Variants in TRPM7 observed in about 807,000 individuals in gnomAD.
The protein encoded by TRPM7 is LTRPC ion channel family member 7.
In TRPM7, 134 loss-of-function variants were observed where a neutral mutation model predicts 229.7. The ratio of observed to expected loss-of-function variants is 0.58; its 90% CI spans 0.51 to 0.67. The LOEUF (loss-of-function observed/expected upper bound fraction) is 0.67. Among genes scored for constraint, TRPM7 ranks in the 30% least tolerant of loss-of-function variants. The pLI is 0.00. For missense variants in TRPM7, 1,901 were observed against 2,210.0 expected (o/e 0.86, Z 2.80); for synonymous variants, 699 against 715.2 (o/e 0.98, Z 0.36).
intron 10 of TRPM7, among the ~76,000 whole-genome samples, chr15:50,630,876 C>A (rs540000596): frequency 1.3e-5 from 2 of 152,084 alleles, no homozygotes; most frequent in Non-Finnish European, 2.9e-5. Context: ...TGCTCTGTTG[C>A]CCAAACTGGA....
In TRPM7 at chr15:50,612,527, C is replaced by T. The variant is rs576186265; in HGVS notation, c.2051+22G>A. 79 of 1,594,400 alleles carry T rather than the reference C, an allele frequency of 5.0e-5. No homozygotes were observed. In the South Asian group the frequency reaches 6.9e-4, roughly 14 times the overall value. On this transcript the variant is annotated intron_variant, in intron 16 of 38. Transcript: ENST00000646667. ...CTACTTTGAATTTTTAAAATGTTTT[C>T]AAATGATAAAATACCACTTACTTGG...
rs370132106 is a variant in TRPM7 at position 50,592,488 on chromosome 15, G to A, written c.3747C>T (p.Leu1249=). ...TAGCTTCCGACGCTTTCTGGGCAGT[G>A]AGTGTTTTTAATGTATCTACCGTCA... is the stretch of plus-strand genomic sequence containing the variant. ...SALTVDTLKT[L]TAQKASEASK... is the part of the protein sequence containing the mutation. The change falls in exon 26 of 39, where the codon CTC becomes CTT. Residue 1249 remains leucine, a synonymous_variant. Transcript: ENST00000646667. 28 of 1,614,016 alleles carry A rather than the reference G, an allele frequency of 1.7e-5. No homozygotes were observed. Among genetic ancestry groups the A allele is most frequent in the Non-Finnish European group, 2.4e-5 (28 of 1,180,042 alleles).
chr15:50,684,180 T>C (rs142421681), intron 1 of TRPM7, among the ~76,000 whole-genome samples: 1 of 145,956 alleles, frequency 6.9e-6, no homozygotes, highest in East Asian at 2.1e-4. Flanking sequence ...TGAGACAGAG[T>C]CTCACTCTGT....
At chr15:50,658,045 C>T (rs1193344540) in intron 2 of TRPM7, among the ~76,000 whole-genome samples, 2 of 147,026 alleles carry the variant, frequency 1.4e-5, no homozygotes, top group African/African-American at 5.0e-5. Context: ...CGCTCTGTTG[C>T]CCAGGCTGGA....
intron 38 of TRPM7, among the ~76,000 whole-genome samples, chr15:50,565,670 C>T (rs1011439294): frequency 6.6e-6 from 1 of 152,056 alleles, no homozygotes; most frequent in African/African-American, 2.4e-5. Flanking sequence ...TCTAGTTAAT[C>T]AATAGAACTA....
At chr15:50,607,545 T>C (rs1468134151) in intron 19 of TRPM7, among the ~76,000 whole-genome samples, 4 of 152,170 alleles carry the variant, frequency 2.6e-5, no homozygotes, top group African/African-American at 7.2e-5. Flanking sequence ...AAACGTGTTG[T>C]TCTACAACTC....
intron 25 of TRPM7, among the ~76,000 whole-genome samples, 155 bp from the exon 26 acceptor site, chr15:50,592,781 A>C (rs917596406): frequency 6.6e-6 from 1 of 152,206 alleles, no homozygotes; most frequent in Non-Finnish European, 1.5e-5. Context: ...TACAAGGCCT[A>C]CCTTATGTTT....
chr15:50,628,126 G>A lies in TRPM7; in HGVS notation c.1305+23C>T, dbSNP rs754011950. On this transcript the variant is annotated intron_variant, in intron 11 of 38. Transcript: ENST00000646667. ...TTACTTAGTGTAATTTAATTGTATTGTGTATGTAGATTATTTACATACCAG... is the reference window on the plus strand; with the variant it reads ...TTACTTAGTGTAATTTAATTGTATTATGTATGTAGATTATTTACATACCAG... The A allele has an allele frequency of 2.0e-5, 30 of 1,474,404 alleles. No individual in the cohort carries two copies. The Admixed American group carries it at 5.2e-4, about 25-fold the overall frequency. The allele number at this position is 1,474,404 out of a possible 1,614,324, so 91.3% of individuals were successfully genotyped here.
At chr15:50,664,535 C>T (rs888498507) in intron 1 of TRPM7, among the ~76,000 whole-genome samples, 1 of 152,028 alleles carries the variant, frequency 6.6e-6, no homozygotes, top group Non-Finnish European at 1.5e-5. Context: ...TGCCAGATTG[C>T]TATTATAATC....
chr15:50,616,766 C>T (rs1185032302), intron 13 of TRPM7, among the ~76,000 whole-genome samples: 1 of 151,932 alleles, frequency 6.6e-6, no homozygotes, highest in Non-Finnish European at 1.5e-5. Context: ...CTGCAACCTC[C>T]GCTTCCCAGG....
chr15:50,606,373 C>T (rs2059919812), intron 20 of TRPM7, among the ~76,000 whole-genome samples: 1 of 146,054 alleles, frequency 6.8e-6, no homozygotes, highest in Admixed American at 6.6e-5. Context: ...AGGGAGACTA[C>T]GTCTCAAAAC....
At chr15:50,622,239 A>G (rs1330939250) in intron 12 of TRPM7, among the ~76,000 whole-genome samples, 1 of 152,198 alleles carries the variant, frequency 6.6e-6, no homozygotes, top group South Asian at 2.1e-4. Flanking sequence ...ACCTCTTTAG[A>G]AAAGCTCTTT....
At chr15:50,597,405 A>G (rs1352578426) in intron 22 of TRPM7, among the ~76,000 whole-genome samples, 1 of 152,250 alleles carries the variant, frequency 6.6e-6, no homozygotes. Flanking sequence ...TATATGCATC[A>G]ATGACATTCA....
intron 26 of TRPM7, 101 bp downstream of exon 26, chr15:50,591,810 C>A (rs1435923108): frequency 2.3e-6 from 2 of 869,010 alleles, no homozygotes; most frequent in Admixed American, 6.5e-5. Context: ...TATAATTATA[C>A]TCTATGAAAA....
At chr15:50,575,987 T>A (rs1352601186) in intron 31 of TRPM7, 68 bp from the exon 32 acceptor site, 4 of 1,464,056 alleles carry the variant, frequency 2.7e-6, no homozygotes, top group Non-Finnish European at 3.8e-6. Context: ...TTAACCCGGA[T>A]AATCTCATAA....
chr15:50,670,947 G>A (rs1390870769), intron 1 of TRPM7, among the ~76,000 whole-genome samples: 1 of 152,146 alleles, frequency 6.6e-6, no homozygotes, highest in Non-Finnish European at 1.5e-5. Context: ...GCCAATGGGG[G>A]CAGATTGCTG....
chr15:50,596,576 C>T (rs2059638527), intron 22 of TRPM7, among the ~76,000 whole-genome samples, 195 bp from the exon 23 acceptor site: 1 of 151,942 alleles, frequency 6.6e-6, no homozygotes, highest in African/African-American at 2.4e-5. Flanking sequence ...TGTTCAAACA[C>T]AAAAAGATGT....
chr15:50,580,972 T>A, intron 29 of TRPM7, 64 bp from the exon 30 acceptor site: 1 of 1,499,038 alleles, frequency 6.7e-7, no homozygotes, highest in Non-Finnish European at 8.9e-7. Context: ...AGATGAAGCA[T>A]AACGGTTTAA....
intron 38 of TRPM7, among the ~76,000 whole-genome samples, chr15:50,564,113 C>T (rs150088358): frequency 0.019 from 2,920 of 151,976 alleles, 42 homozygotes; most frequent in Admixed American, 0.034. Flanking sequence ...CTGCCCACTT[C>T]GGCCTCCCAA....
Sources: gnomAD v4.1 joint callset for allele counts (sites outside exome capture counted in the v4.1 genomes callset) on GRCh38, gnomAD v4.1.1 for gene constraint, MANE v1.5 for transcripts, NCBI Gene and HGNC (gene_info 2026-07-23, HGNC 2026-07-21) for gene names.